TRIM71: variants seen among roughly 807,000 people sequenced by gnomAD.
TRIM71 encodes E3 ubiquitin-protein ligase TRIM71.
TRIM71 carries 9 observed loss-of-function variants against 61.2 expected under a neutral mutation model. That is an observed-to-expected ratio of 0.15 (90% CI 0.09 to 0.26). TRIM71 has a LOEUF of 0.26. Ranked by LOEUF, TRIM71 falls within the 10% of genes least tolerant of loss-of-function variation. The pLI is 1.00. For synonymous variants in TRIM71, 645 were observed against 553.2 expected (o/e 1.17, Z -2.33); for missense variants, 998 against 1,238.7 (o/e 0.81, Z 2.92).
chr3:32,887,757 A>C (rs1293573517), intron 3 of TRIM71, among the ~76,000 whole-genome samples: 1 of 152,136 alleles, frequency 6.6e-6, no homozygotes. Context: ...GGTTTGGCCT[A>C]ATGGGCAAAT....
rs1697058181 is a variant in TRIM71, at chr3:32,894,370, T to C, written c.*2559T>C. The C allele has an allele frequency of 6.6e-6, 1 of 152,222 alleles. No individual in the cohort carries two copies. The allele number at this position is 152,222 out of a possible 1,614,324, so 9.4% of individuals were successfully genotyped here. On this transcript the variant is annotated 3_prime_UTR_variant, in exon 4 of 4. Transcript: ENST00000383763. ...GCATAACAGTAACTAGAGCTCCTTA[T>C]TTGACATTTTACTATGGATGTGATC... is the stretch of plus-strand genomic sequence containing the variant.
intron 3 of TRIM71, among the ~76,000 whole-genome samples, chr3:32,889,622 CCT>C (rs1255135114): frequency 6.7e-6 from 1 of 149,184 alleles, no homozygotes; most frequent in Non-Finnish European, 1.5e-5. Context: ...GGAGTCTCGC[CCT>C]GTTCCCTAGG....
chr3:32,883,126 C>CT (rs1164022868), intron 2 of TRIM71, among the ~76,000 whole-genome samples: 5 of 152,224 alleles, frequency 3.3e-5, no homozygotes, highest in Non-Finnish European at 7.3e-5. Flanking sequence ...CTTGCTCTCT[C>CT]TCGCTTTCTC....
chr3:32,831,429 C>T (rs1012691526), intron 1 of TRIM71, among the ~76,000 whole-genome samples: 1 of 152,046 alleles, frequency 6.6e-6, no homozygotes, highest in African/African-American at 2.4e-5. Context: ...AATGTATGTG[C>T]CCATAACTGT....
chr3:32,878,851 A>C (rs1030480458), intron 2 of TRIM71, among the ~76,000 whole-genome samples: 1 of 152,196 alleles, frequency 6.6e-6, no homozygotes, highest in African/African-American at 2.4e-5. Context: ...TGAAGCTTTG[A>C]AGCCAGGCAT....
chr3:32,826,272 A>G (rs1312249414), intron 1 of TRIM71, among the ~76,000 whole-genome samples: 2 of 152,172 alleles, frequency 1.3e-5, no homozygotes, highest in Non-Finnish European at 2.9e-5. Flanking sequence ...CAGCCTACCA[A>G]CATGGTGAAA....
At chr3:32,820,754 C>T (rs1239091519) in intron 1 of TRIM71, among the ~76,000 whole-genome samples, 2 of 152,212 alleles carry the variant, frequency 1.3e-5, no homozygotes, top group East Asian at 1.9e-4. Context: ...GAAAACCCTT[C>T]AAACTGCATT....
chr3:32,858,726 G>A (rs962021907), intron 1 of TRIM71, among the ~76,000 whole-genome samples: 1 of 152,188 alleles, frequency 6.6e-6, no homozygotes, highest in South Asian at 2.1e-4. Context: ...GGTTTCTTGT[G>A]CCATGTGTAT....
At chr3:32,862,164 T>G (rs1200667234) in intron 1 of TRIM71, among the ~76,000 whole-genome samples, 1 of 152,154 alleles carries the variant, frequency 6.6e-6, no homozygotes, top group Non-Finnish European at 1.5e-5. Flanking sequence ...CTTGATTCAC[T>G]AACCCTAATC....
chr3:32,892,010 G>C lies in TRIM71; in HGVS notation c.*199G>C, dbSNP rs1697032706. 1 of 699,032 alleles carries C rather than the reference G, an allele frequency of 1.4e-6. No homozygotes were observed. The highest frequency in any genetic ancestry group is 2.2e-6 in the Non-Finnish European group (1 of 454,046). The allele number at this position is 699,032 out of a possible 1,614,324, so 43.3% of individuals were successfully genotyped here. A position where few individuals can be genotyped will look rare whatever the true frequency, so the allele number is the denominator to read the frequency against. On this transcript the variant is annotated 3_prime_UTR_variant, in exon 4 of 4. Coordinates refer to ENST00000383763, the MANE Select transcript of TRIM71 (RefSeq NM_001039111.3). ...ACCTCATCTTTATTTTTTTACAGAT[G>C]AATGTACTTATCTTTTCTGCAGGGA... is the stretch of plus-strand genomic sequence containing the variant.
rs765222336 is a variant in TRIM71 at position 32,877,397 on chromosome 3, C to T, written c.1020+3412C>T. The stretch of plus-strand genomic sequence containing the variant: ...GGGATATCAGGTGTGAGCCACCGCG[C>T]CTGGCCATTTTTTTTTTTAAGAGAC... On this transcript the variant is annotated intron_variant, in intron 2 of 3. Coordinates refer to ENST00000383763, the MANE Select transcript of TRIM71 (RefSeq NM_001039111.3). Among the ~76,000 whole-genome samples the T allele has an allele frequency of 1.5e-3, 214 of 147,138 alleles. 1 individual carries two copies. The highest frequency in any genetic ancestry group is 1.4e-3 in the Non-Finnish European group (92 of 67,942).
chr3:32,891,087 A>G lies in TRIM71; in HGVS notation c.1883A>G (p.Asn628Ser), dbSNP rs751756708. 4 of 1,611,624 alleles carry G rather than the reference A, an allele frequency of 2.5e-6. No individual in the cohort carries two copies. The highest frequency in any genetic ancestry group is 4.5e-5 in the East Asian group (2 of 44,862). Residue 628 changes from asparagine to serine, a missense_variant, in exon 4 of 4, where the codon AAC (asparagine) becomes AGC (serine). By Grantham distance (46) the Asn-to-Ser change is conservative (BLOSUM62 1). This residue lies in a region of TRIM71 where 83 missense variants were observed against 202.7 expected (regional missense o/e 0.41). Coordinates refer to ENST00000383763, the MANE Select transcript of TRIM71 (RefSeq NM_001039111.3). The surrounding 1 kb of genome is among the most constrained non-coding windows in gnomAD (Gnocchi z 8.2). ...ATCATTGTCGCCGACCGCAGCAACA[A>G]CCGCATCCAGGTGTTCAAGCCCTGC... The part of the protein sequence containing the change: ...GYIIVADRSN[N>S]RIQVFKPCGA...
rs529308890 is a variant in TRIM71 at position 32,891,149 on chromosome 3, C to T, written c.1945C>T (p.Arg649Trp). 10 of 1,612,920 alleles carry T rather than the reference C, an allele frequency of 6.2e-6. No homozygotes were observed. The highest frequency in any genetic ancestry group is 3.3e-5 in the South Asian group (3 of 91,070). ...CCACAAATTCGGCACCCTGGGCTCC[C>T]GGCCTGGGCAGTTCGACCGACCAGC... is the stretch of plus-strand genomic sequence containing the variant. ...FHHKFGTLGSRPGQFDRPAGV... is the reference protein window; with the variant it reads ...FHHKFGTLGSWPGQFDRPAGV... The change falls in exon 4 of 4, where the codon CGG becomes TGG. Residue 649 changes from arginine (R) to tryptophan (W), a missense_variant. Coordinates refer to ENST00000383763, the MANE Select transcript of TRIM71 (RefSeq NM_001039111.3). The surrounding 1 kb of genome is among the most constrained non-coding windows in gnomAD (Gnocchi z 8.2).
At chr3:32,874,100 A>G (rs1444251314) in intron 2 of TRIM71, 115 bp downstream of exon 2, 1 of 1,123,420 alleles carries the variant, frequency 8.9e-7, no homozygotes, top group African/African-American at 1.6e-5. Flanking sequence ...TAGTGACCCA[A>G]ATGAGCTCAG....
chr3:32,834,567 C>T (rs1026773747), intron 1 of TRIM71, among the ~76,000 whole-genome samples: 2 of 152,008 alleles, frequency 1.3e-5, no homozygotes, highest in African/African-American at 2.4e-5. Flanking sequence ...AGTTGGAAAA[C>T]GAACATTTCA....
chr3:32,818,623 C>T lies in TRIM71; in HGVS notation c.543C>T (p.Pro181=), dbSNP rs1178418099. Residue 181 remains proline, a synonymous_variant, in exon 1 of 4, where the codon CCC becomes CCT. Coordinates refer to ENST00000383763, the MANE Select transcript of TRIM71 (RefSeq NM_001039111.3). The part of the protein sequence containing the change: ...PQPPAPSRSA[P]GGPAASPSAL... ...CGCCCGCGCCTTCCCGCTCGGCACCCGGCGGCCCTGCCGCTTCCCCGTCGG... is the reference window on the plus strand; with the variant it reads ...CGCCCGCGCCTTCCCGCTCGGCACCTGGCGGCCCTGCCGCTTCCCCGTCGG... 4 of 1,436,648 alleles carry T rather than the reference C, an allele frequency of 2.8e-6. No individual in the cohort carries two copies. The highest frequency in any genetic ancestry group is 3.0e-5 in the African/African-American group (2 of 66,976). The allele number at this position is 1,436,648 out of a possible 1,614,324, so 89.0% of individuals were successfully genotyped here.
chr3:32,874,624 G>A (rs907091503), intron 2 of TRIM71, among the ~76,000 whole-genome samples: 10 of 152,016 alleles, frequency 6.6e-5, no homozygotes, highest in Non-Finnish European at 1.3e-4. Flanking sequence ...CCAGGTTCAC[G>A]CCATTCTCCT....
intron 2 of TRIM71, among the ~76,000 whole-genome samples, chr3:32,874,826 AT>A (rs1395312152): frequency 6.7e-6 from 1 of 149,498 alleles, no homozygotes; most frequent in Non-Finnish European, 1.5e-5. Context: ...CCTTTTATTT[AT>A]TTGTGTTTTT....
At position 32,890,993 on chromosome 3, in the gene TRIM71, G is replaced by A. The variant is rs201860756; in HGVS notation, c.1789G>A (p.Gly597Ser). 355 of 1,614,076 alleles carry A rather than the reference G, an allele frequency of 2.2e-4. 1 individual carries two copies. The highest frequency in any genetic ancestry group is 2.0e-3 in the South Asian group (181 of 91,082). ...VGIGLPGLSF[G>S]SEGDSDGKLC... ...CATTGGGCTCCCGGGCCTGAGCTTC[G>A]GCAGTGAGGGTGACAGCGATGGCAA... Residue 597 changes from glycine (G) to serine (S), a missense_variant, in exon 4 of 4, where the codon GGC becomes AGC. Transcript: ENST00000383763. The surrounding 1 kb of genome is among the most constrained non-coding windows in gnomAD (Gnocchi z 6.2).
Sources: allele counts gnomAD v4.1 joint callset (sites outside exome capture counted in the v4.1 genomes callset), GRCh38; gene constraint gnomAD v4.1.1; regional missense constraint gnomAD v4.1.1; non-coding constraint Gnocchi (gnomAD v3.1); transcripts MANE v1.5; gene names NCBI Gene and HGNC (gene_info 2026-07-23, HGNC 2026-07-21).